The following RIT2 variants were observed in gnomAD, a reference collection of about 807,000 sequenced individuals.
RIT2 encodes Ras like without CAAX 2, also known as GTP-binding protein Rit2.
In RIT2, 24 loss-of-function variants were observed where a neutral mutation model predicts 23.7. The ratio of observed to expected loss-of-function variants is 1.01; its 90% CI spans 0.73 to 1.43. The LOEUF (loss-of-function observed/expected upper bound fraction) is 1.43. RIT2 is among the 40% of genes most tolerant of loss of function. The probability of loss-of-function intolerance (pLI) is 0.00; values close to 1 mark genes in which losing one functional copy is unlikely to be tolerated. For synonymous variants in RIT2, 107 were observed against 91.1 expected (o/e 1.17, Z -0.99); for missense variants, 236 against 266.9 (o/e 0.88, Z 0.81).
chr18:43,032,760 A>G (rs749077746), intron 2 of RIT2, among the ~76,000 whole-genome samples: 14 of 152,254 alleles, frequency 9.2e-5, no homozygotes, highest in Admixed American at 1.3e-4. Context: ...TCAGACATTT[A>G]AAAATAAGTA....
chr18:42,820,300 T>C (rs942633615), intron 4 of RIT2, among the ~76,000 whole-genome samples: 1 of 152,112 alleles, frequency 6.6e-6, no homozygotes, highest in South Asian at 2.1e-4. Flanking sequence ...GATATACAGA[T>C]GAACATCATC....
intron 2 of RIT2, among the ~76,000 whole-genome samples, chr18:43,011,552 T>C (rs1911351634): frequency 6.6e-6 from 1 of 151,818 alleles, no homozygotes; most frequent in African/African-American, 2.4e-5. Flanking sequence ...TTAAAATTAT[T>C]AAATTCTTAA....
intron 2 of RIT2, among the ~76,000 whole-genome samples, chr18:43,010,351 A>C (rs924930700): frequency 6.6e-6 from 1 of 151,748 alleles, no homozygotes; most frequent in African/African-American, 2.4e-5. Flanking sequence ...TCACCATCTT[A>C]TATTATTTGT....
At position 42,743,504 on chromosome 18, in the gene RIT2, T is replaced by C. The variant is rs749404972; in HGVS notation, c.643A>G (p.Asn215Asp). The change falls in exon 5 of 5, where the codon AAT (asparagine) becomes GAT (aspartate). Residue 215 changes from asparagine (N) to aspartate (D), a missense_variant. Asn to Asp is a conservative substitution (Grantham distance 23, BLOSUM62 1). Transcript: ENST00000326695. ...LKGSLKKKRE[N>D]MT is the part of the protein sequence containing the mutation. ...CAAAAGCAAAGATATCATGTCATAT[T>C]TTCTCTCTTCTTCTTCAAAGAACCT... 6.2e-7 allele frequency: 1 copy of C among 1,611,250 alleles called. No individual in the cohort carries two copies. The highest frequency in any genetic ancestry group is 1.1e-5 in the South Asian group (1 of 91,006).
chr18:42,827,147 A>G (rs1191552593), intron 4 of RIT2, among the ~76,000 whole-genome samples: 1 of 152,204 alleles, frequency 6.6e-6, no homozygotes, highest in Non-Finnish European at 1.5e-5. Context: ...AGAACCATAC[A>G]GTATTTGTGC....
intron 4 of RIT2, among the ~76,000 whole-genome samples, chr18:42,801,054 C>T (rs1905527528): frequency 6.6e-6 from 1 of 151,964 alleles, no homozygotes; most frequent in South Asian, 2.1e-4. Flanking sequence ...ATAAAAAAAG[C>T]AAACAGCCTC....
At chr18:42,852,013 A>G (rs1319826345) in intron 4 of RIT2, among the ~76,000 whole-genome samples, 1 of 152,098 alleles carries the variant, frequency 6.6e-6, no homozygotes, top group Non-Finnish European at 1.5e-5. Flanking sequence ...CTGCTTCCAG[A>G]CACCAGGGTA....
intron 1 of RIT2, among the ~76,000 whole-genome samples, chr18:43,058,799 G>T (rs368203407): frequency 1.3e-5 from 2 of 152,080 alleles, no homozygotes; most frequent in Non-Finnish European, 2.9e-5. Context: ...TGAGGTGGGA[G>T]AATTACTTGA....
intron 1 of RIT2, among the ~76,000 whole-genome samples, chr18:43,037,595 G>A (rs1912010319): frequency 6.6e-6 from 1 of 151,812 alleles, no homozygotes; most frequent in Non-Finnish European, 1.5e-5. Flanking sequence ...TTAGTCTAAG[G>A]TTTAAAATTG....
At chr18:43,061,925 G>A (rs561936368) in intron 1 of RIT2, among the ~76,000 whole-genome samples, 13 of 152,110 alleles carry the variant, frequency 8.5e-5, no homozygotes, top group African/African-American at 2.2e-4. Context: ...ACTGAGCTGC[G>A]GGCAGTGGGA....
At chr18:42,791,700 T>C (rs1447129090) in intron 4 of RIT2, among the ~76,000 whole-genome samples, 1 of 152,236 alleles carries the variant, frequency 6.6e-6, no homozygotes, top group Non-Finnish European at 1.5e-5. Context: ...AATCCATTTT[T>C]GTGGTAAACG....
At chr18:42,906,018 A>G (rs368643233) in intron 4 of RIT2, among the ~76,000 whole-genome samples, 2 of 10,250 alleles carry the variant, frequency 2.0e-4, no homozygotes, top group African/African-American at 9.2e-4. Flanking sequence ...ATATATATAT[A>G]TATGTATATA....
chr18:43,062,381 C>A (rs1912668864), intron 1 of RIT2, among the ~76,000 whole-genome samples: 1 of 152,102 alleles, frequency 6.6e-6, no homozygotes, highest in African/African-American at 2.4e-5. Flanking sequence ...ACAGTTCCTC[C>A]TCCTCTATAC....
At chr18:42,892,556 AC>A (rs944773648) in intron 4 of RIT2, among the ~76,000 whole-genome samples, 2 of 152,210 alleles carry the variant, frequency 1.3e-5, no homozygotes, top group African/African-American at 4.8e-5. Flanking sequence ...TGCCTGATTC[AC>A]ATTCAGAATC....
intron 4 of RIT2, among the ~76,000 whole-genome samples, chr18:42,870,310 G>A (rs1241004266): frequency 2.0e-5 from 3 of 151,930 alleles, no homozygotes; most frequent in Non-Finnish European, 4.4e-5. Context: ...GTGCGATCTC[G>A]GCTCAGTGCA....
At chr18:42,910,051 T>C (rs548759461) in intron 4 of RIT2, among the ~76,000 whole-genome samples, 5 of 152,170 alleles carry the variant, frequency 3.3e-5, no homozygotes, top group South Asian at 4.2e-4. Flanking sequence ...GGTAACACAT[T>C]GACACCAGCA....
At chr18:42,922,688 C>A (rs1305627018) in intron 4 of RIT2, among the ~76,000 whole-genome samples, 2 of 152,028 alleles carry the variant, frequency 1.3e-5, no homozygotes, top group Non-Finnish European at 2.9e-5. Context: ...TAGTGTCTGA[C>A]CAGAAGAGAA....
At chr18:42,777,298 A>G (rs925707780) in intron 4 of RIT2, among the ~76,000 whole-genome samples, 1 of 150,926 alleles carries the variant, frequency 6.6e-6, no homozygotes, top group Non-Finnish European at 1.5e-5. Flanking sequence ...AAAAAAAAAA[A>G]AAAGAAAGAG....
intron 1 of RIT2, among the ~76,000 whole-genome samples, chr18:43,052,812 G>A (rs924371119): frequency 6.6e-6 from 1 of 151,974 alleles, no homozygotes; most frequent in African/African-American, 2.4e-5. Context: ...AATATACATA[G>A]GTCTGTGACT....
Sources: gnomAD v4.1 joint callset for allele counts (sites outside exome capture counted in the v4.1 genomes callset) on GRCh38, gnomAD v4.1.1 for gene constraint, MANE v1.5 for transcripts, NCBI Gene and HGNC (gene_info 2026-07-23, HGNC 2026-07-21) for gene names.